The following TRIM49C variants were observed in gnomAD, a reference collection of about 807,000 sequenced individuals.
TRIM49C encodes tripartite motif-containing protein 49C.
In TRIM49C, 6 loss-of-function variants were observed where a neutral mutation model predicts 21.4. The observed-to-expected ratio is 0.28, with a 90% CI of 0.15 to 0.55. The LOEUF (loss-of-function observed/expected upper bound fraction) is 0.55, where lower values mean the gene tolerates loss of function less well. TRIM49C is among the 20% of genes least tolerant of loss of function. TRIM49C has a pLI of 0.94. For synonymous variants in TRIM49C, 57 were observed against 148.1 expected, an observed-to-expected ratio of 0.38 and a Z score of 4.47; for missense variants, 161 against 442.4, an observed-to-expected ratio of 0.36 and a Z score of 5.71.
At chr11:90,064,299 T>A in the TRIM49C span, among the ~76,000 whole-genome samples, 1 of 151,524 alleles carries the variant, frequency 6.6e-6, no homozygotes, top group Non-Finnish European at 1.5e-5. Flanking sequence ...TTCAGATGAT[T>A]AGAGAGAACA....
At chr11:90,071,273 G>A in the TRIM49C span, 6 of 460,060 alleles carry the variant, frequency 1.3e-5, no homozygotes, top group African/African-American at 1.2e-4. Flanking sequence ...ACCATAATGT[G>A]TCAATGTGAT....
chr11:90,032,632 ATAAAT>A lies in TRIM49C; in HGVS notation c.-5+53_-5+57del, dbSNP rs762399270. 2.3e-5 allele frequency: 3 copies of A among 127,750 alleles called. 1 individual carries two copies. The highest frequency in any genetic ancestry group is 4.7e-5 in the Non-Finnish European group (3 of 63,972). 7.9% of individuals were successfully genotyped at this position (127,750 alleles called of 1,614,324 possible). On this transcript the variant is annotated intron_variant, in intron 2 of 7. Coordinates refer to ENST00000448984, the MANE Select transcript of TRIM49C (RefSeq NM_001195234.1). ...TATATCATCTTTCCTTTACACAATA[ATAAAT>A]TAGAGTGTTAAAAATATCTCATTAT...
chr11:90,060,197 C>T, the TRIM49C span, among the ~76,000 whole-genome samples: 1 of 139,724 alleles, frequency 7.2e-6, no homozygotes, highest in African/African-American at 2.7e-5. Flanking sequence ...CCCCTTCATT[C>T]ACAAGAGAAC....
At chr11:90,038,851 T>A (rs1950746132) in intron 6 of TRIM49C, 136 bp downstream of exon 6, 1 of 435,666 alleles carries the variant, frequency 2.3e-6, no homozygotes, top group Non-Finnish European at 4.1e-6. Flanking sequence ...TTCCCACACC[T>A]TAAAAGACAA....
At chr11:90,073,267 T>A in the TRIM49C span, 1 of 1,083,558 alleles carries the variant, frequency 9.2e-7, no homozygotes, top group Non-Finnish European at 1.4e-6. Flanking sequence ...TTGGTGTGTT[T>A]CTTAATTTTG....
chr11:90,047,514 A>G, the TRIM49C span, among the ~76,000 whole-genome samples: 1 of 118,092 alleles, frequency 8.5e-6, no homozygotes, highest in East Asian at 2.6e-4. Flanking sequence ...TCCCTTTAGC[A>G]TTATGTAATG....
At chr11:90,056,058 A>C in the TRIM49C span, among the ~76,000 whole-genome samples, 1 of 129,002 alleles carries the variant, frequency 7.8e-6, no homozygotes, top group Non-Finnish European at 1.6e-5. Flanking sequence ...TCCCAGGTTC[A>C]CGCCATTCTC....
intron 7 of TRIM49C, 140 bp from the exon 8 acceptor site, chr11:90,040,911 C>T: frequency 7.7e-7 from 1 of 1,298,494 alleles, no homozygotes; most frequent in Non-Finnish European, 1.0e-6. Context: ...TATTAACCAT[C>T]TCTATACTTT....
At position 90,033,595 on chromosome 11, in the gene TRIM49C, G is replaced by C. The variant is rs1255594388; in HGVS notation, c.-5+1013G>C. Among the ~76,000 whole-genome samples the C allele has an allele frequency of 5.3e-5, 7 of 130,918 alleles. 2 individuals carry two copies. The highest frequency in any genetic ancestry group is 2.3e-4 in the East Asian group (1 of 4,324). 85.9% of individuals were successfully genotyped at this position (130,918 alleles called of 152,430 possible). ...CAATAGGCTATAGTGTATACCATAG[G>C]TGTAGTAGGCTATACCATCTAGATT... On this transcript the variant is annotated intron_variant, in intron 2 of 7. Coordinates refer to ENST00000448984, the MANE Select transcript of TRIM49C (RefSeq NM_001195234.1).
In TRIM49C at chr11:90,041,063, T is replaced by C; in HGVS notation, c.872T>C (p.Leu291Pro). 6.3e-7 allele frequency: 1 copy of C among 1,590,882 alleles called. No homozygotes were observed. Among genetic ancestry groups the C allele is most frequent in the East Asian group, 2.3e-5 (1 of 44,144 alleles). ...RLNQFRVHIT[L>P]HHEEANSDIF... Reference sequence around the variant, plus strand: ...TTTTTTTTTGCAGTGCATATTACTCTGCATCATGAAGAAGCCAACAGTGAT... The same window carrying C: ...TTTTTTTTTGCAGTGCATATTACTCCGCATCATGAAGAAGCCAACAGTGAT... The change falls in exon 8 of 8, where the codon CTG (leucine) becomes CCG (proline). Residue 291 changes from leucine to proline, a missense_variant. Transcript: ENST00000448984.
In TRIM49C at chr11:90,035,174, G is replaced by GAAT. The variant is rs760705278; in HGVS notation, c.-4-34_-4-33insAAT. On this transcript the variant is annotated intron_variant, in intron 2 of 7. Coordinates refer to ENST00000448984, the MANE Select transcript of TRIM49C (RefSeq NM_001195234.1). ...GTTTAGAAGCTTTTCATCAACCCAGGCCCCAAAATGACATGTTTCTCTTTG... is the reference window on the plus strand; with the variant it reads ...GTTTAGAAGCTTTTCATCAACCCAGGAATCCCCAAAATGACATGTTTCTCTTTG... The GAAT allele has an allele frequency of 5.9e-5, 94 of 1,593,690 alleles. 3 individuals carry two copies. In the East Asian group the frequency reaches 2.0e-3, roughly 34 times the overall value.
chr11:90,073,253 C>T, the TRIM49C span: 6 of 1,038,294 alleles, frequency 5.8e-6, 1 homozygote, highest in African/African-American at 1.6e-5. Flanking sequence ...ACCTCTGGTC[C>T]GAGTTGGTGT....
the TRIM49C span, chr11:90,071,792 A>T: frequency 9.1e-7 from 1 of 1,097,442 alleles, no homozygotes; most frequent in Non-Finnish European, 1.3e-6. Flanking sequence ...ACCACTTCCG[A>T]GGTGAGTGTG....
chr11:90,048,831 G>T, the TRIM49C span, among the ~76,000 whole-genome samples: 2 of 124,942 alleles, frequency 1.6e-5, no homozygotes, highest in Non-Finnish European at 3.3e-5. Flanking sequence ...CTTTGGAGGG[G>T]GAGAGGTGCT....
At chr11:90,033,658 G>T (rs1179082941) in intron 2 of TRIM49C, among the ~76,000 whole-genome samples, 2 of 134,702 alleles carry the variant, frequency 1.5e-5, no homozygotes, top group Non-Finnish European at 3.2e-5. Flanking sequence ...CAATGAAACC[G>T]CCTGGCTGGG....
chr11:90,038,942 C>T (rs1444795848), intron 6 of TRIM49C, among the ~76,000 whole-genome samples: 1 of 136,516 alleles, frequency 7.3e-6, no homozygotes, highest in African/African-American at 2.6e-5. Flanking sequence ...TTTTTTGAGA[C>T]GCTGTCTGGC....
chr11:90,040,937 C>T, intron 7 of TRIM49C, 114 bp from the exon 8 acceptor site: 2 of 1,441,100 alleles, frequency 1.4e-6, no homozygotes, highest in Non-Finnish European at 1.8e-6. Context: ...AAGTTACAAG[C>T]AAAACTTTTT....
chr11:90,045,976 G>A (rs2134828890), downstream of TRIM49C, among the ~76,000 whole-genome samples: 1 of 121,124 alleles, frequency 8.3e-6, no homozygotes, highest in Non-Finnish European at 1.7e-5. Flanking sequence ...TTTATTGAGA[G>A]GTTTTAGCAT....
intron 6 of TRIM49C, among the ~76,000 whole-genome samples, chr11:90,039,064 C>T (rs1453130366): frequency 7.4e-6 from 1 of 135,020 alleles, no homozygotes; most frequent in Non-Finnish European, 1.6e-5. Flanking sequence ...GGACTACAGG[C>T]GCCCGCCACC....
Sources: allele counts gnomAD v4.1 joint callset (sites outside exome capture counted in the v4.1 genomes callset), GRCh38; gene constraint gnomAD v4.1.1; transcripts MANE v1.5; gene names NCBI Gene and HGNC (gene_info 2026-07-23, HGNC 2026-07-21).